Variants in POLA1 observed in about 807,000 individuals in gnomAD.
POLA1 encodes the protein DNA polymerase alpha catalytic subunit.
Under a neutral mutation model 124.0 loss-of-function variants are expected in POLA1, and 15 were observed. That is an observed-to-expected ratio of 0.12 (90% CI 0.08 to 0.19). The LOEUF (loss-of-function observed/expected upper bound fraction) is 0.19, where lower values mean the gene tolerates loss of function less well. POLA1 is among the 10% of genes least tolerant of loss of function. The pLI is 1.00. For synonymous variants in POLA1, 408 were observed against 389.4 expected, an observed-to-expected ratio of 1.05 and a Z score of -0.56; for missense variants, 886 against 1,103.4, an observed-to-expected ratio of 0.80 and a Z score of 2.79.
Position 24,930,553 on chromosome X carries a change from C to A in POLA1, c.4261+4C>A. The A allele has an allele frequency of 9.4e-7, 1 of 1,059,089 alleles. No individual in the cohort carries two copies. Among genetic ancestry groups the A allele is most frequent in the Non-Finnish European group, 1.3e-6 (1 of 756,340 alleles). 87.3% of individuals were successfully genotyped at this position (1,059,089 alleles called of 1,213,427 possible). On this transcript the variant is annotated splice_donor_region_variant and intron_variant, in intron 36 of 36. Transcript: ENST00000379068. ...CTTACTACCGATCATGAGAAAGGTACGTTAAAATACTGTAATTACCTTTGA... is the reference window on the plus strand; with the variant it reads ...CTTACTACCGATCATGAGAAAGGTAAGTTAAAATACTGTAATTACCTTTGA...
At chrX:24,701,358 T>TC (rs1928403892) in intron 2 of POLA1, among the ~76,000 whole-genome samples, 1 of 111,130 alleles carries the variant, frequency 9.0e-6, no homozygotes, top group South Asian at 3.8e-4. Context: ...AAAAGCTCTG[T>TC]CCAAGTTTTT....
At chrX:24,850,301 A>G (rs2046540066) in intron 34 of POLA1, among the ~76,000 whole-genome samples, 1 of 112,174 alleles carries the variant, frequency 8.9e-6, no homozygotes, top group Non-Finnish European at 1.9e-5. Context: ...TCCTTGTACA[A>G]ATCTAAGTGA....
At chrX:24,742,865 G>T (rs183504403) in intron 22 of POLA1, among the ~76,000 whole-genome samples, 1 of 111,609 alleles carries the variant, frequency 9.0e-6, no homozygotes, top group Non-Finnish European at 1.9e-5. Flanking sequence ...TTTACATCAC[G>T]AATGTTAGAG....
intron 36 of POLA1, among the ~76,000 whole-genome samples, chrX:24,979,023 A>G (rs1461975831): frequency 8.9e-6 from 1 of 112,492 alleles, no homozygotes; most frequent in Admixed American, 9.4e-5. Flanking sequence ...TTAGCCGCTT[A>G]CTGTAAAATA....
intron 26 of POLA1, among the ~76,000 whole-genome samples, chrX:24,753,982 G>C: frequency 9.0e-6 from 1 of 111,634 alleles, no homozygotes; most frequent in Middle Eastern, 4.6e-3. Context: ...GCTGGAATTT[G>C]TGCACATTAA....
chrX:24,712,813 A>G (rs1217584898), intron 4 of POLA1, among the ~76,000 whole-genome samples: 1 of 112,073 alleles, frequency 8.9e-6, no homozygotes, highest in Non-Finnish European at 1.9e-5. Flanking sequence ...AGCCAACACT[A>G]CTTAATAAAG....
chrX:24,984,530 GA>G (rs397843926), intron 36 of POLA1, among the ~76,000 whole-genome samples: 21 of 108,465 alleles, frequency 1.9e-4, no homozygotes, highest in African/African-American at 7.1e-4. Context: ...TTTTACACCG[GA>G]AAAAAAAAGT....
chrX:24,756,041 A>G (rs1424698233), intron 26 of POLA1, among the ~76,000 whole-genome samples: 1 of 111,695 alleles, frequency 9.0e-6, no homozygotes, highest in Admixed American at 9.5e-5. Context: ...CATTTGTGCT[A>G]CAACAGCAGA....
At chrX:24,734,622 C>T (rs1931151359) in intron 17 of POLA1, among the ~76,000 whole-genome samples, 1 of 110,900 alleles carries the variant, frequency 9.0e-6, no homozygotes. Context: ...AGAGTCAAAC[C>T]GACTTTTTTT....
chrX:24,801,924 G>GGTTTGT (rs2045714110), intron 26 of POLA1, among the ~76,000 whole-genome samples: 2 of 74,536 alleles, frequency 2.7e-5, no homozygotes, highest in Non-Finnish European at 4.9e-5. Context: ...GAGGTGGGTG[G>GGTTTGT]GTGTGTGTGT....
intron 35 of POLA1, among the ~76,000 whole-genome samples, chrX:24,915,713 A>G (rs1461399582): frequency 8.9e-6 from 1 of 111,800 alleles, no homozygotes; most frequent in Non-Finnish European, 1.9e-5. Flanking sequence ...TTCATGCTTT[A>G]TTTGTCAACA....
rs1335116239 is a variant in POLA1 at position 24,749,140 on chromosome X, G to A, written c.2964+148G>A. Reference sequence around the variant, plus strand: ...TTGGATGACAGGTTTGAGACAAATAGGCATTTAAATAAGGTTTCATTAATT... The same window carrying A: ...TTGGATGACAGGTTTGAGACAAATAAGCATTTAAATAAGGTTTCATTAATT... On this transcript the variant is annotated intron_variant, in intron 26 of 36. Transcript: ENST00000379068. The A allele has an allele frequency of 1.1e-5, 5 of 451,180 alleles. No homozygotes were observed. In the East Asian group the frequency reaches 1.5e-4, roughly 14 times the overall value. The allele number at this position is 451,180 out of a possible 1,213,427, so 37.2% of individuals were successfully genotyped here.
rs2045702849 is a variant in POLA1, at chrX:24,801,451, G to C, written c.2965-8447G>C. 3.6e-5 allele frequency among the ~76,000 whole-genome samples: 4 copies of C among 111,714 alleles called. No individual in the cohort carries two copies. The Admixed American group carries it at 3.8e-4, about 11-fold the overall frequency. ...TGCCAGGCATTTCGTTAGGTTTAAT[G>C]CCCATGATATGATCTCTGCCTATAA... On this transcript the variant is annotated intron_variant, in intron 26 of 36. Transcript: ENST00000379068.
chrX:24,749,265 A>T (rs1932188908), intron 26 of POLA1, among the ~76,000 whole-genome samples: 2 of 102,873 alleles, frequency 1.9e-5, no homozygotes, highest in South Asian at 1.1e-3. Flanking sequence ...GATCCCTGTT[A>T]TGAGGCTTAC....
chrX:24,793,274 T>C (rs2045542533), intron 26 of POLA1, among the ~76,000 whole-genome samples: 1 of 38,022 alleles, frequency 2.6e-5, no homozygotes, highest in Admixed American at 4.6e-4. Flanking sequence ...ATAGACTCCC[T>C]CTCAAAAAAA....
At chrX:24,771,781 T>G (rs372628290) in intron 26 of POLA1, among the ~76,000 whole-genome samples, 45 of 112,115 alleles carry the variant, frequency 4.0e-4, no homozygotes, top group African/African-American at 1.1e-3. Flanking sequence ...ATGAAAGTGC[T>G]AGTTTTAAAA....
intron 34 of POLA1, among the ~76,000 whole-genome samples, chrX:24,859,149 A>C (rs2046685023): frequency 9.0e-6 from 1 of 111,047 alleles, no homozygotes. Context: ...TTGCTAATCG[A>C]TCTCCCTTGT....
Position 24,885,787 on chromosome X carries a change from G to A in POLA1, c.4048-2219G>A, listed in dbSNP as rs758436621. On this transcript the variant is annotated intron_variant, in intron 34 of 36. Coordinates refer to ENST00000379068, the MANE Select transcript of POLA1 (RefSeq NM_001330360.2). ...GATCTGCCCGCCTCGGCCTCCCAAA[G>A]TGCTGGGATTACAGGCGTGAACCAC... Among the ~76,000 whole-genome samples, 5 of 112,141 alleles carry A rather than the reference G, an allele frequency of 4.5e-5. No homozygotes were observed. In the East Asian group the frequency reaches 1.4e-3, roughly 32 times the overall value.
intron 26 of POLA1, among the ~76,000 whole-genome samples, chrX:24,806,411 G>T (rs1297619569): frequency 9.1e-6 from 1 of 110,188 alleles, no homozygotes; most frequent in Non-Finnish European, 1.9e-5. Flanking sequence ...GAGTGTTTCT[G>T]CTCATTAGCA....
Sources: gnomAD v4.1 joint callset for allele counts (sites outside exome capture counted in the v4.1 genomes callset) on GRCh38, gnomAD v4.1.1 for gene constraint, MANE v1.5 for transcripts, NCBI Gene and HGNC (gene_info 2026-07-23, HGNC 2026-07-21) for gene names.